The following MBNL1 variants were observed in gnomAD, a reference collection of about 807,000 sequenced individuals.
MBNL1 encodes muscleblind like splicing regulator 1, also known as muscleblind-like protein 1.
In MBNL1, 8 loss-of-function variants were observed where a neutral mutation model predicts 42.2. The ratio of observed to expected loss-of-function variants is 0.19; its 90% CI spans 0.11 to 0.34. The LOEUF (loss-of-function observed/expected upper bound fraction) is 0.34, where lower values mean the gene tolerates loss of function less well. Among genes scored for constraint, MBNL1 ranks in the 10% least tolerant of loss-of-function variants. MBNL1 has a pLI of 1.00. For synonymous variants in MBNL1, 169 were observed against 173.9 expected, an observed-to-expected ratio of 0.97 and a Z score of 0.22; for missense variants, 309 against 495.3, an observed-to-expected ratio of 0.62 and a Z score of 3.57.
intron 2 of MBNL1, among the ~76,000 whole-genome samples, chr3:152,333,933 A>G (rs972702378): frequency 6.6e-6 from 1 of 152,210 alleles, no homozygotes; most frequent in African/African-American, 2.4e-5. Context: ...GACCTTGAAG[A>G]AGTTATGTAA....
chr3:152,412,444 G>T (rs185198716), intron 2 of MBNL1, among the ~76,000 whole-genome samples: 1 of 152,006 alleles, frequency 6.6e-6, no homozygotes, highest in African/African-American at 2.4e-5. Context: ...GTCTGTATAC[G>T]TTCTCACCAA....
At chr3:152,370,242 C>A (rs2096600972) in intron 2 of MBNL1, among the ~76,000 whole-genome samples, 1 of 152,118 alleles carries the variant, frequency 6.6e-6, no homozygotes, top group Non-Finnish European at 1.5e-5. Flanking sequence ...TTTATTTCTG[C>A]CTTAATTTCA....
intron 3 of MBNL1, among the ~76,000 whole-genome samples, chr3:152,418,744 T>A (rs2098747194): frequency 7.7e-6 from 1 of 130,678 alleles, no homozygotes; most frequent in Non-Finnish European, 1.6e-5. Context: ...TGAGACAGAA[T>A]CTCACTCTGT....
intron 2 of MBNL1, among the ~76,000 whole-genome samples, chr3:152,302,714 ATT>A (rs2061234576): frequency 1.3e-5 from 2 of 152,202 alleles, no homozygotes; most frequent in Non-Finnish European, 2.9e-5. Flanking sequence ...GATCATTTGC[ATT>A]CTCTCACAGA....
At chr3:152,461,528 A>AT (rs59116237) in intron 9 of MBNL1, among the ~76,000 whole-genome samples, 1 of 152,182 alleles carries the variant, frequency 6.6e-6, no homozygotes, top group Non-Finnish European at 1.5e-5. Context: ...GTTGAAAAAA[A>AT]TTTCTAAAAA....
chr3:152,423,651 TATC>T (rs1208722565), intron 3 of MBNL1, among the ~76,000 whole-genome samples: 1 of 152,200 alleles, frequency 6.6e-6, no homozygotes. Context: ...TTCAGGCCAA[TATC>T]CCTGGTGAAC....
chr3:152,271,296 A>G (rs2041645469), intron 1 of MBNL1, among the ~76,000 whole-genome samples: 1 of 152,208 alleles, frequency 6.6e-6, no homozygotes, highest in Admixed American at 6.5e-5. Flanking sequence ...GAACAAGAAC[A>G]GACTAACCCA....
At chr3:152,455,066 T>C (rs962428545) in intron 6 of MBNL1, among the ~76,000 whole-genome samples, 3 of 152,208 alleles carry the variant, frequency 2.0e-5, no homozygotes, top group African/African-American at 7.2e-5. Flanking sequence ...CATTATATTG[T>C]TAAGTCAGTT....
At chr3:152,377,955 T>C (rs2096985486) in intron 2 of MBNL1, among the ~76,000 whole-genome samples, 1 of 152,182 alleles carries the variant, frequency 6.6e-6, no homozygotes. Context: ...GGAAACGATA[T>C]TATTTGAGGA....
intron 2 of MBNL1, among the ~76,000 whole-genome samples, chr3:152,321,192 AC>A (rs546811125): frequency 2.0e-5 from 3 of 152,158 alleles, no homozygotes; most frequent in Non-Finnish European, 4.4e-5. Flanking sequence ...TTGAGGAGAA[AC>A]CTACATTTAT....
chr3:152,452,708 G>A (rs1286755210), intron 6 of MBNL1, among the ~76,000 whole-genome samples: 1 of 152,066 alleles, frequency 6.6e-6, no homozygotes, highest in African/African-American at 2.4e-5. Flanking sequence ...TCAATCTTGA[G>A]GAATTTTTTT....
rs551959291 is a variant in MBNL1, at chr3:152,453,771, A to G, written c.962-1771A>G. On this transcript the variant is annotated intron_variant, in intron 6 of 9. Coordinates refer to ENST00000324210, the MANE Select transcript of MBNL1 (RefSeq NM_021038.5). The stretch of plus-strand genomic sequence containing the variant: ...AATTCAAACTAAAATTCAAATCATA[A>G]TAGCTTTAGGATTTTAGAGAGATAG... Among the ~76,000 whole-genome samples, 34 of 152,306 alleles carry G rather than the reference A, an allele frequency of 2.2e-4. No individual in the cohort carries two copies. In the South Asian group the frequency reaches 6.6e-3, roughly 30 times the overall value.
chr3:152,289,874 TG>T (rs758423257), intron 1 of MBNL1, among the ~76,000 whole-genome samples: 27 of 152,112 alleles, frequency 1.8e-4, no homozygotes, highest in Non-Finnish European at 3.1e-4. Flanking sequence ...AGGAAATATT[TG>T]TGTATTACGT....
intron 6 of MBNL1, among the ~76,000 whole-genome samples, chr3:152,449,620 G>C (rs1172682436): frequency 6.6e-6 from 1 of 152,080 alleles, no homozygotes; most frequent in African/African-American, 2.4e-5. Flanking sequence ...AAAGATGCTA[G>C]ATAAAGTTCA....
At chr3:152,273,103 C>A (rs919246610) in intron 1 of MBNL1, among the ~76,000 whole-genome samples, 2 of 151,854 alleles carry the variant, frequency 1.3e-5, no homozygotes, top group South Asian at 2.1e-4. Flanking sequence ...AGTGTCAGTG[C>A]GTGTGTGGAG....
upstream of MBNL1, chr3:152,263,545 A>C (rs895286492): frequency 6.6e-6 from 1 of 152,142 alleles, no homozygotes; most frequent in Admixed American, 6.5e-5. Context: ...ACCAAATCAC[A>C]TTCCGCTGCT....
intron 2 of MBNL1, among the ~76,000 whole-genome samples, chr3:152,406,376 A>G (rs2098426655): frequency 6.6e-6 from 1 of 152,228 alleles, no homozygotes; most frequent in Non-Finnish European, 1.5e-5. Flanking sequence ...GATGACTATC[A>G]GCTAAAATTG....
At chr3:152,411,535 CA>C (rs1371126552) in intron 2 of MBNL1, among the ~76,000 whole-genome samples, 2 of 151,592 alleles carry the variant, frequency 1.3e-5, no homozygotes, top group African/African-American at 4.8e-5. Flanking sequence ...CAAAACAAAA[CA>C]AAAAAAACTG....
At chr3:152,249,744 G>T (rs2034164744) in intron 2 of MBNL1, among the ~76,000 whole-genome samples, 1 of 139,244 alleles carries the variant, frequency 7.2e-6, no homozygotes, top group Admixed American at 7.4e-5. Flanking sequence ...GGGTTTTTAT[G>T]GTTTTAGGTC....
Sources: gnomAD v4.1 joint callset for allele counts (sites outside exome capture counted in the v4.1 genomes callset) on GRCh38, gnomAD v4.1.1 for gene constraint, MANE v1.5 for transcripts, NCBI Gene and HGNC (gene_info 2026-07-23, HGNC 2026-07-21) for gene names.